The following RBFOX1 variants were observed in gnomAD, a reference collection of about 807,000 sequenced individuals.
RBFOX1 encodes the protein RNA binding protein fox-1 homolog 1.
A neutral mutation model predicts 57.7 loss-of-function variants in RBFOX1; 8 were observed. That is an observed-to-expected ratio of 0.14 (90% CI 0.08 to 0.25). The LOEUF (loss-of-function observed/expected upper bound fraction) is 0.25, where lower values mean the gene tolerates loss of function less well. Among genes scored for constraint, RBFOX1 ranks in the 10% least tolerant of loss-of-function variants. The pLI, the probability that RBFOX1 is intolerant of heterozygous loss-of-function variation, is 1.00. For missense variants in RBFOX1, 611 were observed against 548.5 expected, an observed-to-expected ratio of 1.11 and a Z score of -1.14; for synonymous variants, 326 against 222.4, an observed-to-expected ratio of 1.47 and a Z score of -4.15.
At chr16:7,555,129 A>AT (rs2087924962) in intron 5 of RBFOX1, among the ~76,000 whole-genome samples, 1 of 152,196 alleles carries the variant, frequency 6.6e-6, no homozygotes, top group Non-Finnish European at 1.5e-5. Flanking sequence ...TTAAATTACA[A>AT]TGCATCTCCC....
Position 6,886,190 on chromosome 16 carries a change from T to C in RBFOX1, c.-15-165867T>C, listed in dbSNP as rs536884324. On this transcript the variant is annotated intron_variant, in intron 3 of 15. Transcript: ENST00000550418. ...GACTCTCCTGCCTCAGCCTCCTGAG[T>C]AGCTGGGATTACAGGCGTGTGCTAC... Among the ~76,000 whole-genome samples, 3 of 151,804 alleles carry C rather than the reference T, an allele frequency of 2.0e-5. No individual in the cohort carries two copies. The South Asian group carries it at 6.2e-4, about 32-fold the overall frequency.
intron 4 of RBFOX1, among the ~76,000 whole-genome samples, chr16:7,071,065 T>A (rs1204522903): frequency 1.3e-5 from 2 of 152,164 alleles, no homozygotes; most frequent in Non-Finnish European, 2.9e-5. Flanking sequence ...CACAAGCCTA[T>A]CTTTACTCAA....
chr16:7,676,703 G>A, intron 13 of RBFOX1, 71 bp from the exon 14 acceptor site: 5 of 1,304,480 alleles, frequency 3.8e-6, no homozygotes, highest in Non-Finnish European at 5.5e-6. Context: ...GCTCTGGTGT[G>A]GTCTTGCCAC....
intron 5 of RBFOX1, among the ~76,000 whole-genome samples, chr16:7,525,342 A>G (rs984408177): frequency 2.0e-5 from 3 of 151,914 alleles, no homozygotes; most frequent in Non-Finnish European, 4.4e-5. Flanking sequence ...CTAATGATGG[A>G]ATTTAGGTTG....
At chr16:6,096,946 C>T (rs994727954) in intron 1 of RBFOX1, among the ~76,000 whole-genome samples, 3 of 152,254 alleles carry the variant, frequency 2.0e-5, no homozygotes, top group South Asian at 4.1e-4. Context: ...CCTCTGCACT[C>T]CTGGTATGGT....
intron 3 of RBFOX1, among the ~76,000 whole-genome samples, chr16:6,903,829 C>A (rs1013182124): frequency 1.3e-5 from 2 of 152,040 alleles, no homozygotes. Context: ...CCCCAACAGG[C>A]GGGCTGTAAA....
chr16:5,421,653 C>G (rs1293289189), intron 1 of RBFOX1, among the ~76,000 whole-genome samples: 1 of 152,162 alleles, frequency 6.6e-6, no homozygotes, highest in Non-Finnish European at 1.5e-5. Flanking sequence ...GGCTCCAGAG[C>G]CAGGCTTATT....
intron 3 of RBFOX1, among the ~76,000 whole-genome samples, chr16:5,727,972 C>A (rs1378226628): frequency 6.6e-6 from 1 of 152,224 alleles, no homozygotes; most frequent in South Asian, 2.1e-4. Flanking sequence ...CAGGAGACAG[C>A]TACCATGCCC....
At chr16:6,389,129 C>T (rs1191402594) in intron 2 of RBFOX1, among the ~76,000 whole-genome samples, 1 of 152,174 alleles carries the variant, frequency 6.6e-6, no homozygotes, top group Non-Finnish European at 1.5e-5. Context: ...GGCAGGGGTG[C>T]TCATCAGTAC....
intron 3 of RBFOX1, among the ~76,000 whole-genome samples, chr16:5,757,712 A>G (rs1225744728): frequency 1.3e-5 from 2 of 152,218 alleles, no homozygotes; most frequent in Non-Finnish European, 2.9e-5. Flanking sequence ...CAACAGTGCT[A>G]TGAAGTTGGT....
intron 1 of RBFOX1, 86 bp from the exon 2 acceptor site, chr16:6,316,909 T>TAA (rs2081186550): frequency 1.9e-6 from 2 of 1,058,080 alleles, no homozygotes; most frequent in African/African-American, 3.2e-5. Context: ...TGAAGGTTGG[T>TAA]CCATATTACT....
intron 2 of RBFOX1, among the ~76,000 whole-genome samples, chr16:6,509,301 T>G (rs1043833260): frequency 2.6e-5 from 4 of 152,134 alleles, no homozygotes; most frequent in African/African-American, 9.7e-5. Context: ...CCTTGTCAGA[T>G]AAATTGGTAA....
intron 4 of RBFOX1, among the ~76,000 whole-genome samples, chr16:7,129,531 T>A (rs1309474427): frequency 6.6e-6 from 1 of 152,170 alleles, no homozygotes; most frequent in Non-Finnish European, 1.5e-5. Context: ...ATGATACTCT[T>A]GGATTACAAT....
At chr16:7,523,400 T>C (rs952916917) in intron 5 of RBFOX1, among the ~76,000 whole-genome samples, 4 of 152,210 alleles carry the variant, frequency 2.6e-5, no homozygotes, top group African/African-American at 7.2e-5. Context: ...TCCATCTACA[T>C]TGCCTTCATT....
intron 4 of RBFOX1, among the ~76,000 whole-genome samples, chr16:5,998,870 C>T (rs1038043142): frequency 9.9e-5 from 15 of 152,156 alleles, no homozygotes; most frequent in African/African-American, 3.6e-4. Context: ...CATTTAATTC[C>T]AAATGGCATC....
chr16:5,546,482 A>T (rs950178618), intron 2 of RBFOX1, among the ~76,000 whole-genome samples: 1 of 152,224 alleles, frequency 6.6e-6, no homozygotes, highest in Non-Finnish European at 1.5e-5. Flanking sequence ...ACTTGGGTCG[A>T]TGTAACAGTA....
chr16:6,667,720 G>A (rs987573583), intron 3 of RBFOX1, among the ~76,000 whole-genome samples: 7 of 151,832 alleles, frequency 4.6e-5, no homozygotes, highest in Admixed American at 6.6e-5. Context: ...CTGCAAAACT[G>A]AAGAAAAAAA....
intron 1 of RBFOX1, among the ~76,000 whole-genome samples, chr16:6,216,149 G>A (rs2152865820): frequency 6.6e-6 from 1 of 152,256 alleles, no homozygotes; most frequent in East Asian, 1.9e-4. Flanking sequence ...AGTTGGAAGA[G>A]GGAGAGCATC....
rs140317686 is a variant in RBFOX1, at chr16:5,778,348, G to A, written c.319-88955G>A. Among the ~76,000 whole-genome samples, 887 of 152,156 alleles carry A rather than the reference G, an allele frequency of 5.8e-3. 26 individuals are homozygous for A. The highest frequency in any genetic ancestry group is 0.05 in the Admixed American group (763 of 15,272). On this transcript the variant is annotated intron_variant, in intron 3 of 19. Coordinates refer to the RBFOX1 transcript ENST00000641259. ...ATTTCCCTACCATCTTGCAAGACAG[G>A]ACCCCCGACCTGGCTAGTTCTCTGA...
Sources: allele counts gnomAD v4.1 joint callset (sites outside exome capture counted in the v4.1 genomes callset), GRCh38; gene constraint gnomAD v4.1.1; transcripts MANE v1.5; gene names NCBI Gene and HGNC (gene_info 2026-07-23, HGNC 2026-07-21).